Variants in GRID2 observed in about 807,000 individuals in gnomAD.
The protein encoded by GRID2 is glutamate ionotropic receptor delta type subunit 2, also known as glutamate receptor ionotropic, delta-2.
A neutral mutation model predicts 114.8 loss-of-function variants in GRID2; 33 were observed. The observed-to-expected ratio is 0.29, with a 90% CI of 0.22 to 0.38. The LOEUF (loss-of-function observed/expected upper bound fraction) is 0.38. Among genes scored for constraint, GRID2 ranks in the 10% least tolerant of loss-of-function variants. GRID2 has a pLI of 1.00. For synonymous variants in GRID2, 505 were observed against 449.9 expected, an observed-to-expected ratio of 1.12 and a Z score of -1.55; for missense variants, 1,184 against 1,257.7, an observed-to-expected ratio of 0.94 and a Z score of 0.89.
chr4:92,422,121 G>T (rs1731937776), intron 1 of GRID2, among the ~76,000 whole-genome samples: 1 of 152,044 alleles, frequency 6.6e-6, no homozygotes, highest in Admixed American at 6.6e-5. Flanking sequence ...ATGCAAATGA[G>T]CCTTAGAGAC....
chr4:92,630,670 C>A (rs1402801707), intron 2 of GRID2, among the ~76,000 whole-genome samples: 2 of 152,006 alleles, frequency 1.3e-5, no homozygotes, highest in Non-Finnish European at 2.9e-5. Context: ...TCTTTTTATT[C>A]TTAACCGAAA....
At chr4:93,334,429 AT>A (rs1758819534) in intron 8 of GRID2, among the ~76,000 whole-genome samples, 1 of 152,216 alleles carries the variant, frequency 6.6e-6, no homozygotes, top group Non-Finnish European at 1.5e-5. Context: ...TCTAAATAAT[AT>A]GATTAGACCT....
At chr4:92,875,644 A>G (rs573748091) in intron 2 of GRID2, among the ~76,000 whole-genome samples, 1 of 152,276 alleles carries the variant, frequency 6.6e-6, no homozygotes, top group Non-Finnish European at 1.5e-5. Context: ...GTGTGCAGAT[A>G]TGGCACAATA....
At chr4:93,456,668 A>T (rs1275678937) in intron 11 of GRID2, among the ~76,000 whole-genome samples, 6 of 152,176 alleles carry the variant, frequency 3.9e-5, no homozygotes, top group Admixed American at 1.3e-4. Flanking sequence ...TAGAGAATGA[A>T]ATAGTAAGAA....
chr4:92,482,033 T>TATATATAA (rs1491363224), intron 1 of GRID2, among the ~76,000 whole-genome samples: 5 of 55,972 alleles, frequency 8.9e-5, no homozygotes, highest in African/African-American at 1.5e-4. Context: ...TATATATATA[T>TATATATAA]AAAATAACAA....
chr4:93,743,758 T>G (rs1731606827), intron 14 of GRID2, among the ~76,000 whole-genome samples: 1 of 152,200 alleles, frequency 6.6e-6, no homozygotes, highest in Non-Finnish European at 1.5e-5. Context: ...TATTTCCCAT[T>G]AGGCCCCACC....
intron 1 of GRID2, among the ~76,000 whole-genome samples, chr4:93,799,681 T>C (rs1734884209): frequency 6.6e-6 from 1 of 152,212 alleles, no homozygotes; most frequent in Admixed American, 6.5e-5. Flanking sequence ...TCAGTAAAGA[T>C]AATCAATTAG....
At chr4:93,305,469 G>A (rs1755320811) in intron 8 of GRID2, among the ~76,000 whole-genome samples, 1 of 152,090 alleles carries the variant, frequency 6.6e-6, no homozygotes, top group African/African-American at 2.4e-5. Flanking sequence ...GACAACTTTG[G>A]CTGATGATGC....
At chr4:93,507,431 T>C (rs1330848989) in intron 12 of GRID2, among the ~76,000 whole-genome samples, 1 of 152,204 alleles carries the variant, frequency 6.6e-6, no homozygotes, top group Non-Finnish European at 1.5e-5. Flanking sequence ...TCCTCCTCAT[T>C]ATCTAAATAT....
At chr4:92,863,287 T>C (rs1389960409) in intron 2 of GRID2, among the ~76,000 whole-genome samples, 4 of 152,152 alleles carry the variant, frequency 2.6e-5, no homozygotes, top group South Asian at 2.1e-4. Flanking sequence ...TTAAATATAA[T>C]TTTGCACTGT....
rs958180924 is a variant in GRID2, at chr4:93,244,656, A to G, written c.1245+6166A>G. On this transcript the variant is annotated intron_variant, in intron 8 of 15. Coordinates refer to ENST00000282020, the MANE Select transcript of GRID2 (RefSeq NM_001510.4). ...TATTAATTAATAGATTATATAATCT[A>G]TTATATATTAATTAATAGATTATGT... 2.8e-5 allele frequency among the ~76,000 whole-genome samples: 4 copies of G among 143,480 alleles called. No homozygotes were observed. The East Asian group carries it at 8.1e-4, about 29-fold the overall frequency. The allele number at this position is 143,480 out of a possible 152,430, so 94.1% of individuals were successfully genotyped here.
At position 93,058,134 on chromosome 4, in the gene GRID2, G is replaced by A. The variant is rs571761267; in HGVS notation, c.245-26861G>A. On this transcript the variant is annotated intron_variant, in intron 2 of 15. Transcript: ENST00000282020. The stretch of plus-strand genomic sequence containing the variant: ...TTCAGTGAAGTTTACTTAAAACCCT[G>A]TGTGGATTATTAAAATTTAATAATA... Among the ~76,000 whole-genome samples the A allele has an allele frequency of 1.1e-4, 6 of 53,738 alleles. No individual in the cohort carries two copies. In the South Asian group the frequency reaches 3.0e-3, roughly 27 times the overall value. 35.3% of individuals were successfully genotyped at this position (53,738 alleles called of 152,430 possible).
chr4:93,096,047 G>A (rs1731201538), intron 3 of GRID2, among the ~76,000 whole-genome samples: 3 of 151,926 alleles, frequency 2.0e-5, no homozygotes, highest in African/African-American at 7.2e-5. Context: ...ACATAATTAG[G>A]AGTCCAGAAA....
intron 2 of GRID2, among the ~76,000 whole-genome samples, chr4:92,801,414 C>T (rs754109223): frequency 2.6e-5 from 4 of 151,914 alleles, no homozygotes; most frequent in South Asian, 2.1e-4. Context: ...AAACCCTTTA[C>T]GCTTCTCTCT....
chr4:92,423,952 C>T lies in GRID2; in HGVS notation c.88+119208C>T, dbSNP rs559472859. Among the ~76,000 whole-genome samples, 5 of 152,120 alleles carry T rather than the reference C, an allele frequency of 3.3e-5. No individual in the cohort carries two copies. The South Asian group carries it at 8.3e-4, about 25-fold the overall frequency. On this transcript the variant is annotated intron_variant, in intron 1 of 15. Coordinates refer to ENST00000282020, the MANE Select transcript of GRID2 (RefSeq NM_001510.4). ...AAGAGAAATGGAAAAGGAAGAATTG[C>T]TCTGAAAATATTTGCGAAGGCTCTG...
intron 2 of GRID2, among the ~76,000 whole-genome samples, chr4:92,809,100 G>C (rs1180028750): frequency 6.6e-6 from 1 of 151,818 alleles, no homozygotes; most frequent in Admixed American, 6.6e-5. Context: ...ATAATATCTT[G>C]CTAAATTGTC....
At chr4:93,599,398 G>A (rs543907948) in intron 13 of GRID2, among the ~76,000 whole-genome samples, 1 of 152,282 alleles carries the variant, frequency 6.6e-6, no homozygotes, top group East Asian at 1.9e-4. Flanking sequence ...TAGATTACAA[G>A]TAAATTGTAG....
chr4:93,216,208 C>A (rs1241741948), intron 5 of GRID2, among the ~76,000 whole-genome samples: 2 of 149,328 alleles, frequency 1.3e-5, no homozygotes, highest in African/African-American at 4.9e-5. Context: ...ACTTATATAT[C>A]CTCTTGCTCT....
chr4:92,563,070 T>C (rs998337899), intron 1 of GRID2, among the ~76,000 whole-genome samples: 6 of 152,282 alleles, frequency 3.9e-5, no homozygotes, highest in Non-Finnish European at 7.4e-5. Context: ...TGAGACTGCC[T>C]CATGAGTGGC....
Sources: allele counts gnomAD v4.1 joint callset (sites outside exome capture counted in the v4.1 genomes callset), GRCh38; gene constraint gnomAD v4.1.1; transcripts MANE v1.5; gene names NCBI Gene and HGNC (gene_info 2026-07-23, HGNC 2026-07-21).